Variants in C2orf69 observed in about 807,000 individuals in gnomAD.
The protein encoded by C2orf69 is chromosome 2 open reading frame 69, also known as mitochondrial protein C2orf69.
A neutral mutation model predicts 29.5 loss-of-function variants in C2orf69; 19 were observed. The observed-to-expected ratio is 0.65, with a 90% confidence interval of 0.45 to 0.95. The LOEUF is 0.95. Ranked by LOEUF, C2orf69 falls within the 40% of genes least tolerant of loss-of-function variation. The probability of loss-of-function intolerance (pLI) is 0.00; values close to 1 mark genes in which losing one functional copy is unlikely to be tolerated. For missense variants in C2orf69, 416 were observed against 482.1 expected (o/e 0.86, Z 1.28); for synonymous variants, 194 against 180.0 (o/e 1.08, Z -0.62).
chr2:199,913,786 T>C (rs2077283577), intron 1 of C2orf69, among the ~76,000 whole-genome samples: 1 of 151,822 alleles, frequency 6.6e-6, no homozygotes, highest in Non-Finnish European at 1.5e-5. Context: ...TGTGGAACAA[T>C]TACTGCATGC....
In C2orf69 at chr2:199,911,368, C is replaced by T. The variant is rs1266505453; in HGVS notation, c.-71C>T. The T allele has an allele frequency of 8.0e-6, 11 of 1,378,014 alleles. No homozygotes were observed. The highest frequency in any genetic ancestry group is 1.5e-5 in the African/African-American group (1 of 65,068). 85.4% of individuals were successfully genotyped at this position (1,378,014 alleles called of 1,614,324 possible). A position where few individuals can be genotyped will look rare whatever the true frequency, so the allele number is the denominator to read the frequency against. ...ACCGTTGAGCCGCCGGCTGAGCCGCCTGCTGAAGTCCCTCCCTCAGGAACC... is the reference window on the plus strand; with the variant it reads ...ACCGTTGAGCCGCCGGCTGAGCCGCTTGCTGAAGTCCCTCCCTCAGGAACC... On this transcript the variant is annotated 5_prime_UTR_variant, in exon 1 of 2. Coordinates refer to ENST00000319974, the MANE Select transcript of C2orf69 (RefSeq NM_153689.6).
rs563083229 is a variant in C2orf69 at position 199,911,633 on chromosome 2, G to A, written c.195G>A (p.Pro65=). The change falls in exon 1 of 2, where the codon CCG becomes CCA. Residue 65 remains proline (P), a synonymous_variant. Transcript: ENST00000319974. ...TTTCCACCGTGCCTGGAGCCGATCC[G>A]CAGCGCAGCAACGAATTGCTCCTGT... ...LQLSTVPGAD[P]QRSNELLLLA... 5.8e-6 allele frequency: 9 copies of A among 1,549,386 alleles called. No homozygotes were observed. In the East Asian group the frequency reaches 9.8e-5, roughly 17 times the overall value.
chr2:199,911,380 C>G lies in C2orf69; in HGVS notation c.-59C>G. ...CCGGCTGAGCCGCCTGCTGAAGTCC[C>G]TCCCTCAGGAACCCCTCCGCCACCC... is the stretch of plus-strand genomic sequence containing the variant. On this transcript the variant is annotated 5_prime_UTR_variant, in exon 1 of 2. Transcript: ENST00000319974. 7.1e-7 allele frequency: 1 copy of G among 1,403,996 alleles called. No homozygotes were observed. Among genetic ancestry groups the G allele is most frequent in the Non-Finnish European group, 9.2e-7 (1 of 1,084,336 alleles). 87.0% of individuals were successfully genotyped at this position (1,403,996 alleles called of 1,614,324 possible). A position where few individuals can be genotyped will look rare whatever the true frequency, so the allele number is the denominator to read the frequency against.
Position 199,925,211 on chromosome 2 carries a change from C to T in C2orf69, c.483C>T (p.Ser161=), listed in dbSNP as rs1335039880. 6.2e-7 allele frequency: 1 copy of T among 1,612,534 alleles called. No individual in the cohort carries two copies. The highest frequency in any genetic ancestry group is 1.7e-5 in the Admixed American group (1 of 60,010). Residue 161 remains serine (S), a synonymous_variant, in exon 2 of 2, where the codon AGC becomes AGT. Coordinates refer to ENST00000319974, the MANE Select transcript of C2orf69 (RefSeq NM_153689.6). This position sits in a 1 kb window ranked among gnomAD's most constrained non-coding sequence, Gnocchi z 4.9. ...KCSRMHLHKF[S]CYDNFVKSNM... ...CCCGAATGCATTTGCACAAATTCAG[C>T]TGCTATGACAATTTTGTGAAAAGTA... is the stretch of plus-strand genomic sequence containing the variant.
At chr2:199,922,773 T>A (rs774923727) in intron 1 of C2orf69, among the ~76,000 whole-genome samples, 1 of 152,188 alleles carries the variant, frequency 6.6e-6, no homozygotes, top group African/African-American at 2.4e-5. Context: ...CCTTCTCTTA[T>A]CAGGATTATA....
intron 1 of C2orf69, among the ~76,000 whole-genome samples, chr2:199,916,890 G>A (rs1455755316): frequency 6.6e-6 from 1 of 152,214 alleles, no homozygotes; most frequent in African/African-American, 2.4e-5. Context: ...TCTGGTTGAT[G>A]GTGGCCCTTT....
At position 199,911,323 on chromosome 2, in the gene C2orf69, C is replaced by T; in HGVS notation, c.-116C>T. ...ACGTCGTCGCCTCAGCGCCGGCTCC[C>T]GGCCGGGCCGCGGCCGCCGACCGTT... is the stretch of plus-strand genomic sequence containing the variant. On this transcript the variant is annotated 5_prime_UTR_variant, in exon 1 of 2. Transcript: ENST00000319974. 8.7e-6 allele frequency: 11 copies of T among 1,271,636 alleles called. No individual in the cohort carries two copies. Among genetic ancestry groups the T allele is most frequent in the Non-Finnish European group, 1.1e-5 (11 of 982,640 alleles). 78.8% of individuals were successfully genotyped at this position (1,271,636 alleles called of 1,614,324 possible). A position where few individuals can be genotyped will look rare whatever the true frequency, so the allele number is the denominator to read the frequency against.
In C2orf69 at chr2:199,922,031, T is replaced by TATATATATATA. The variant is rs1553566021; in HGVS notation, c.334-3031_334-3030insATATATATATA. On this transcript the variant is annotated intron_variant, in intron 1 of 1. Coordinates refer to ENST00000319974, the MANE Select transcript of C2orf69 (RefSeq NM_153689.6). ...TTCCCCAAGGCTGCCACTGTTATTT[T>TATATATATATA]TATATATATATATATATATATATGC... 1.1e-3 allele frequency among the ~76,000 whole-genome samples: 88 copies of TATATATATATA among 78,958 alleles called. 1 individual carries two copies. Among genetic ancestry groups the TATATATATATA allele is most frequent in the Admixed American group, 3.7e-3 (18 of 4,866 alleles). 51.8% of individuals were successfully genotyped at this position (78,958 alleles called of 152,430 possible). A position where few individuals can be genotyped will look rare whatever the true frequency, so the allele number is the denominator to read the frequency against.
rs2077263124 is a variant in C2orf69 at position 199,911,784 on chromosome 2, C to T, written c.333+13C>T. 2 of 1,537,442 alleles carry T rather than the reference C, an allele frequency of 1.3e-6. No individual in the cohort carries two copies. The highest frequency in any genetic ancestry group is 1.7e-6 in the Non-Finnish European group (2 of 1,146,854). ...TGGGGATGTGCAGGTAACTCGGGGCCTGCCTGGGTATCTGTTCCTTCCTCT... is the reference window on the plus strand; with the variant it reads ...TGGGGATGTGCAGGTAACTCGGGGCTTGCCTGGGTATCTGTTCCTTCCTCT... On this transcript the variant is annotated intron_variant, in intron 1 of 1. Transcript: ENST00000319974.
At chr2:199,913,167 T>A (rs1479246256) in intron 1 of C2orf69, among the ~76,000 whole-genome samples, 8 of 117,856 alleles carry the variant, frequency 6.8e-5, no homozygotes, top group East Asian at 4.3e-4. Flanking sequence ...ATTTTATATA[T>A]ATATTATATA....
chr2:199,923,899 C>T (rs148942719), intron 1 of C2orf69, among the ~76,000 whole-genome samples: 15 of 152,134 alleles, frequency 9.9e-5, no homozygotes, highest in African/African-American at 2.6e-4. Flanking sequence ...TCCATGTGAA[C>T]AAGGGTTTAG....
intron 1 of C2orf69, among the ~76,000 whole-genome samples, chr2:199,918,986 C>T (rs1167597392): frequency 2.0e-5 from 3 of 152,178 alleles, no homozygotes; most frequent in African/African-American, 7.2e-5. Flanking sequence ...GGGTCTAGCT[C>T]TGTCAACTAG....
intron 1 of C2orf69, among the ~76,000 whole-genome samples, chr2:199,912,366 T>C (rs758361998): frequency 6.6e-6 from 1 of 152,232 alleles, no homozygotes; most frequent in African/African-American, 2.4e-5. Context: ...CAGGTAAATA[T>C]CCGTGGTTAT....
intron 1 of C2orf69, among the ~76,000 whole-genome samples, chr2:199,922,616 C>T (rs2077321501): frequency 6.6e-6 from 1 of 152,138 alleles, no homozygotes; most frequent in African/African-American, 2.4e-5. Context: ...CTGATAGATA[C>T]TGTATATCAC....
intron 1 of C2orf69, among the ~76,000 whole-genome samples, chr2:199,913,285 T>TTATATAATATATATTCTAATATATATTA (rs2077278135): frequency 6.2e-5 from 2 of 32,486 alleles, no homozygotes; most frequent in African/African-American, 1.2e-4. Flanking sequence ...ATATATTCTA[T>TTATATAATATATATTCTAATATATATTA]TATATAATAT....
chr2:199,921,679 C>T (rs1175325922), intron 1 of C2orf69, among the ~76,000 whole-genome samples: 1 of 151,994 alleles, frequency 6.6e-6, no homozygotes, highest in Non-Finnish European at 1.5e-5. Context: ...GATATGGAAC[C>T]ATGCCTATAA....
chr2:199,927,576 T>G lies in C2orf69; in HGVS notation c.*1690T>G, dbSNP rs2077340683. On this transcript the variant is annotated 3_prime_UTR_variant, in exon 2 of 2. Transcript: ENST00000319974. The stretch of plus-strand genomic sequence containing the variant: ...GCATCTCTAAATGGCTTTTTTTTTT[T>G]TTTTAAAGACAAAGTAGTATTATGT... The G allele has an allele frequency of 4.0e-5, 6 of 151,808 alleles. No homozygotes were observed. Among genetic ancestry groups the G allele is most frequent in the African/African-American group, 1.4e-4 (6 of 41,480 alleles). The allele number at this position is 151,808 out of a possible 1,614,324, so 9.4% of individuals were successfully genotyped here.
At chr2:199,924,266 A>G (rs1160832023) in intron 1 of C2orf69, among the ~76,000 whole-genome samples, 2 of 152,120 alleles carry the variant, frequency 1.3e-5, no homozygotes, top group East Asian at 3.9e-4. Flanking sequence ...CGTTAGCCAC[A>G]AGTGATGATA....
At chr2:199,922,613 A>G (rs1197513706) in intron 1 of C2orf69, among the ~76,000 whole-genome samples, 1 of 152,180 alleles carries the variant, frequency 6.6e-6, no homozygotes, top group Non-Finnish European at 1.5e-5. Context: ...AAACTGATAG[A>G]TACTGTATAT....
Sources: allele counts gnomAD v4.1 joint callset (sites outside exome capture counted in the v4.1 genomes callset), GRCh38; gene constraint gnomAD v4.1.1; non-coding constraint Gnocchi (gnomAD v3.1); transcripts MANE v1.5; gene names NCBI Gene and HGNC (gene_info 2026-07-23, HGNC 2026-07-21).